Variants in PRMT2 observed in about 807,000 individuals in gnomAD.
PRMT2 encodes protein arginine methyltransferase 2, also known as protein arginine N-methyltransferase 2.
A neutral mutation model predicts 57.6 loss-of-function variants in PRMT2; 26 were observed. The ratio of observed to expected loss-of-function variants is 0.45; its 90% confidence interval spans 0.33 to 0.63. The LOEUF is 0.63. Among genes scored for constraint, PRMT2 ranks in the 20% least tolerant of loss-of-function variants. PRMT2 has a pLI of 0.02. For missense variants in PRMT2, 472 were observed against 564.4 expected (o/e 0.84, Z 1.66); for synonymous variants, 219 against 220.0 (o/e 1.00, Z 0.04).
chr21:46,655,542 A>G (rs1044404545), intron 7 of PRMT2, among the ~76,000 whole-genome samples: 3 of 152,214 alleles, frequency 2.0e-5, no homozygotes, highest in African/African-American at 7.2e-5. Context: ...AAAGGGAAGG[A>G]AATTTAACAT....
Position 46,658,995 on chromosome 21 carries a change from C to T in PRMT2, c.830+75C>T. ...CACAGTCTGCAGGTGGGCCAAGGCCCTGGGAGATCCCATACGACGGTTGGA... is the reference window on the plus strand; with the variant it reads ...CACAGTCTGCAGGTGGGCCAAGGCCTTGGGAGATCCCATACGACGGTTGGA... On this transcript the variant is annotated intron_variant, in intron 8 of 11. Coordinates refer to ENST00000355680, the MANE Select transcript of PRMT2 (RefSeq NM_206962.4). The T allele has an allele frequency of 9.1e-6, 14 of 1,535,650 alleles. No individual in the cohort carries two copies. In the South Asian group the frequency reaches 1.8e-4, roughly 19 times the overall value.
Position 46,664,808 on chromosome 21 carries a change from C to T in PRMT2, c.*481C>T, listed in dbSNP as rs545482790. On this transcript the variant is annotated 3_prime_UTR_variant, in exon 12 of 12. Transcript: ENST00000355680. ...GCCAGTGGCGTGTAGGGAACACTGC[C>T]CTGGCTCAGCGTGCGAGCTAAGGTG... 7.7e-5 allele frequency: 14 copies of T among 182,882 alleles called. No individual in the cohort carries two copies. The East Asian group carries it at 1.8e-3, about 23-fold the overall frequency. 11.3% of individuals were successfully genotyped at this position (182,882 alleles called of 1,614,324 possible).
chr21:46,662,766 T>TA (rs1469677300), intron 10 of PRMT2, among the ~76,000 whole-genome samples: 1 of 152,100 alleles, frequency 6.6e-6, no homozygotes, highest in Non-Finnish European at 1.5e-5. Flanking sequence ...CTGAGGAACT[T>TA]AGAGATGTTT....
chr21:46,639,402 AT>A (rs956045321), intron 3 of PRMT2, among the ~76,000 whole-genome samples: 3 of 151,278 alleles, frequency 2.0e-5, no homozygotes, highest in African/African-American at 7.3e-5. Context: ...ATCTTTTCTG[AT>A]TTTTTTTGCC....
chr21:46,660,630 G>T (rs2061605292), intron 8 of PRMT2, among the ~76,000 whole-genome samples: 1 of 152,156 alleles, frequency 6.6e-6, no homozygotes. Context: ...GGATGCCTGG[G>T]TAGAGTCTGG....
At chr21:46,651,767 G>C in intron 7 of PRMT2, 2 of 1,608,696 alleles carry the variant, frequency 1.2e-6, no homozygotes, top group Non-Finnish European at 8.5e-7. Context: ...TCTGGGAGTC[G>C]TTGGTGCGGT....
chr21:46,660,476 C>G (rs74403501), intron 8 of PRMT2, among the ~76,000 whole-genome samples: 10,668 of 152,290 alleles, frequency 0.07, 541 homozygotes, highest in Non-Finnish European at 0.1. Context: ...AGGCAAGACA[C>G]GCTGCAACTC....
In PRMT2 at chr21:46,648,411, A is replaced by G. The variant is rs1421925134; in HGVS notation, c.328-47A>G. On this transcript the variant is annotated intron_variant, in intron 5 of 11. Coordinates refer to ENST00000355680, the MANE Select transcript of PRMT2 (RefSeq NM_206962.4). The surrounding 1 kb of genome is among the most constrained non-coding windows in gnomAD (Gnocchi z 4.8). ...CCTCCATCTCAGTCCAGACCTCAGCATGGCTCTAGGTCACAGGCAGTGATT... is the reference window on the plus strand; with the variant it reads ...CCTCCATCTCAGTCCAGACCTCAGCGTGGCTCTAGGTCACAGGCAGTGATT... 6.3e-7 allele frequency: 1 copy of G among 1,599,470 alleles called. No homozygotes were observed. The highest frequency in any genetic ancestry group is 8.5e-7 in the Non-Finnish European group (1 of 1,170,092).
At chr21:46,639,620 C>A (rs548092699) in intron 3 of PRMT2, among the ~76,000 whole-genome samples, 1 of 142,382 alleles carries the variant, frequency 7.0e-6, no homozygotes, top group African/African-American at 2.6e-5. Context: ...TCTTTTCTTG[C>A]GTGTACCTTT....
chr21:46,641,238 G>A (rs1369472618), intron 3 of PRMT2, among the ~76,000 whole-genome samples: 1 of 152,074 alleles, frequency 6.6e-6, no homozygotes, highest in Non-Finnish European at 1.5e-5. Flanking sequence ...CATCGGTTAT[G>A]GTGGTAGAAA....
At chr21:46,653,696 C>T in intron 7 of PRMT2, 1 of 1,257,510 alleles carries the variant, frequency 8.0e-7, no homozygotes, top group Admixed American at 2.9e-5. Flanking sequence ...TTCAGAGGTG[C>T]TAGTTCTGGT....
rs1292526703 is a variant in PRMT2 at position 46,652,714 on chromosome 21, C to G, written c.654+2975C>G. On this transcript the variant is annotated intron_variant, in intron 7 of 11. Coordinates refer to ENST00000355680, the MANE Select transcript of PRMT2 (RefSeq NM_206962.4). ...AGAGCATTAAAATTTTTTTGTTTTT[C>G]CAGAAGCAGCAAAGTTCTGAAGGAG... is the stretch of plus-strand genomic sequence containing the variant. The G allele has an allele frequency of 1.2e-5, 13 of 1,121,928 alleles. No individual in the cohort carries two copies. In the East Asian group the frequency reaches 8.8e-4, roughly 76 times the overall value. The allele number at this position is 1,121,928 out of a possible 1,614,324, so 69.5% of individuals were successfully genotyped here.
chr21:46,643,855 A>G (rs2061322150), intron 4 of PRMT2, among the ~76,000 whole-genome samples: 1 of 152,232 alleles, frequency 6.6e-6, no homozygotes, highest in African/African-American at 2.4e-5. Context: ...AGCCAGGGGC[A>G]GAAGCACCTG....
At chr21:46,663,686 C>A in intron 11 of PRMT2, 132 bp downstream of exon 11, 2 of 915,888 alleles carry the variant, frequency 2.2e-6, no homozygotes, top group South Asian at 1.8e-5. Flanking sequence ...TGATTTAATC[C>A]TTACACAGAA....
intron 3 of PRMT2, among the ~76,000 whole-genome samples, chr21:46,639,765 C>T (rs1227991858): frequency 6.7e-6 from 1 of 149,082 alleles, no homozygotes; most frequent in African/African-American, 2.5e-5. Context: ...ATATTTAAAG[C>T]GTTTTTCTCG....
intron 5 of PRMT2, among the ~76,000 whole-genome samples, chr21:46,645,595 T>TA (rs2061352691): frequency 6.6e-6 from 1 of 152,208 alleles, no homozygotes; most frequent in African/African-American, 2.4e-5. Flanking sequence ...TGAAAACAGT[T>TA]ACTTGCAGGA....
intron 5 of PRMT2, among the ~76,000 whole-genome samples, chr21:46,646,415 C>T (rs983211201): frequency 2.0e-5 from 3 of 152,200 alleles, no homozygotes; most frequent in Non-Finnish European, 4.4e-5. Flanking sequence ...TTCCTCTGTG[C>T]TTATGAAGTC....
chr21:46,639,976 A>G (rs907608427), intron 3 of PRMT2, among the ~76,000 whole-genome samples: 6 of 152,176 alleles, frequency 3.9e-5, no homozygotes, highest in Non-Finnish European at 5.9e-5. Flanking sequence ...TCTTGTGGAT[A>G]AATAAAGGAT....
rs186573535 is a variant in PRMT2, at chr21:46,651,394, G to A, written c.654+1655G>A. On this transcript the variant is annotated intron_variant, in intron 7 of 11. Transcript: ENST00000355680. ...TCTGTGTGGGTCTTGAACATAGGAT[G>A]CCCATCCGATGTGCAGGGCCAGCTA... 2.4e-3 allele frequency among the ~76,000 whole-genome samples: 361 copies of A among 152,190 alleles called. 1 individual carries two copies. Among genetic ancestry groups the A allele is most frequent in the Non-Finnish European group, 3.9e-3 (266 of 67,982 alleles).
Sources: allele counts gnomAD v4.1 joint callset (sites outside exome capture counted in the v4.1 genomes callset), GRCh38; gene constraint gnomAD v4.1.1; non-coding constraint Gnocchi (gnomAD v3.1); transcripts MANE v1.5; gene names NCBI Gene and HGNC (gene_info 2026-07-23, HGNC 2026-07-21).